Variants in PRP4K observed in about 807,000 individuals in gnomAD.
PRP4K encodes pre-mRNA processing factor kinase PRP4K, also known as serine/threonine-protein kinase PRP4 homolog.
At chr6:4,046,660 CT>C in the PRP4K span, among the ~76,000 whole-genome samples, 351 of 141,750 alleles carry the variant, frequency 2.5e-3, no homozygotes, top group Middle Eastern at 3.7e-3. Context: ...GGTCTTTCAA[CT>C]TTTTTTTTTT....
chr6:4,058,901 A>G, the PRP4K span: 1 of 1,061,522 alleles, frequency 9.4e-7, no homozygotes, highest in East Asian at 2.6e-5. Flanking sequence ...AAAAAAAAAC[A>G]AAAACCCAAA....
chr6:4,064,614 C>A, the PRP4K span: 1 of 152,420 alleles, frequency 6.6e-6, no homozygotes, highest in East Asian at 1.9e-4. Flanking sequence ...ATCCTAGTTC[C>A]AGCATATATT....
chr6:4,040,531 A>C, the PRP4K span, among the ~76,000 whole-genome samples: 2 of 152,364 alleles, frequency 1.3e-5, no homozygotes, highest in East Asian at 3.9e-4. Context: ...GATAAGGAGT[A>C]GGTATGTTTT....
At chr6:4,047,148 C>G in the PRP4K span, 1 of 1,568,350 alleles carries the variant, frequency 6.4e-7, no homozygotes, top group Non-Finnish European at 8.8e-7. Context: ...CTTCACTTTT[C>G]AAACATTAAT....
chr6:4,031,424 C>G, the PRP4K span: 1 of 605,556 alleles, frequency 1.7e-6, no homozygotes, highest in South Asian at 2.8e-5. Flanking sequence ...ATGTCTGAAG[C>G]TGTTCTGAAA....
chr6:4,040,084 C>A, the PRP4K span, among the ~76,000 whole-genome samples: 2 of 151,810 alleles, frequency 1.3e-5, no homozygotes, highest in African/African-American at 4.8e-5. Context: ...CAGGGTTTTG[C>A]CATGTTGCCC....
the PRP4K span, among the ~76,000 whole-genome samples, chr6:4,026,303 C>CT: frequency 0.011 from 1,346 of 118,840 alleles, 17 homozygotes; most frequent in Non-Finnish European, 0.017. Context: ...TGTGCCCAGC[C>CT]TTTTTTTTTT....
chr6:4,039,465 T>C, the PRP4K span, among the ~76,000 whole-genome samples: 1 of 152,192 alleles, frequency 6.6e-6, no homozygotes, highest in African/African-American at 2.4e-5. Context: ...CCAACCCTTC[T>C]CTAGAAAGCA....
At chr6:4,055,172 A>T in the PRP4K span, among the ~76,000 whole-genome samples, 2 of 152,194 alleles carry the variant, frequency 1.3e-5, no homozygotes, top group Non-Finnish European at 2.9e-5. Context: ...ATGAGTATGG[A>T]TACCCTGCTA....
chr6:4,043,053 G>T, the PRP4K span, among the ~76,000 whole-genome samples: 2 of 152,178 alleles, frequency 1.3e-5, no homozygotes, highest in African/African-American at 2.4e-5. Flanking sequence ...GGGAAAGAAT[G>T]TTATACAAAG....
chr6:4,039,131 A>G, the PRP4K span, among the ~76,000 whole-genome samples: 2 of 152,018 alleles, frequency 1.3e-5, no homozygotes, highest in Non-Finnish European at 2.9e-5. Flanking sequence ...TTTACTTTTC[A>G]TTTGAAGACT....
the PRP4K span, among the ~76,000 whole-genome samples, chr6:4,044,510 T>C: frequency 7.9e-5 from 12 of 152,296 alleles, no homozygotes; most frequent in African/African-American, 2.9e-4. Flanking sequence ...TCTAATGAGA[T>C]TTTGACTGTT....
At chr6:4,050,386 C>A in the PRP4K span, 1 of 626,494 alleles carries the variant, frequency 1.6e-6, no homozygotes, top group Non-Finnish European at 2.6e-6. Flanking sequence ...TGTACTGGAA[C>A]AACAGGCTGA....
chr6:4,060,344 A>G, the PRP4K span: 1 of 1,407,360 alleles, frequency 7.1e-7, no homozygotes, highest in Non-Finnish European at 9.7e-7. This position sits in a 1 kb window ranked among gnomAD's most constrained non-coding sequence, Gnocchi z 4.7. Context: ...AGACCCCAAA[A>G]CAATCTGATT....
the PRP4K span, chr6:4,058,908 C>G: frequency 7.1e-6 from 7 of 986,632 alleles, no homozygotes; most frequent in African/African-American, 1.0e-4. Context: ...AACAAAAACC[C>G]AAAAGTAAGT....
the PRP4K span, among the ~76,000 whole-genome samples, chr6:4,023,775 A>G: frequency 6.6e-6 from 1 of 152,064 alleles, no homozygotes; most frequent in Non-Finnish European, 1.5e-5. Flanking sequence ...GTACAGTAAC[A>G]TTATCATGGC....
At chr6:4,038,572 G>T in the PRP4K span, among the ~76,000 whole-genome samples, 1 of 151,934 alleles carries the variant, frequency 6.6e-6, no homozygotes, top group Non-Finnish European at 1.5e-5. Context: ...CACAATGAGG[G>T]TTTTTAATAC....
the PRP4K span, among the ~76,000 whole-genome samples, chr6:4,036,810 G>T: frequency 6.9e-6 from 1 of 145,544 alleles, no homozygotes; most frequent in Non-Finnish European, 1.6e-5. Flanking sequence ...AACATAGTGA[G>T]ACCCCCATCA....
At chr6:4,034,619 C>T in the PRP4K span, among the ~76,000 whole-genome samples, 1 of 152,068 alleles carries the variant, frequency 6.6e-6, no homozygotes, top group Non-Finnish European at 1.5e-5. Flanking sequence ...CTCTTAAAAA[C>T]AGAACAAAAA....
Sources: allele counts gnomAD v4.1 joint callset (sites outside exome capture counted in the v4.1 genomes callset), GRCh38; gene constraint gnomAD v4.1.1; non-coding constraint Gnocchi (gnomAD v3.1); transcripts MANE v1.5; gene names NCBI Gene and HGNC (gene_info 2026-07-23, HGNC 2026-07-21).